The following CNTNAP1 variants were observed in gnomAD, a reference collection of about 807,000 sequenced individuals.
The protein encoded by CNTNAP1 is contactin associated protein 1.
A neutral mutation model predicts 161.5 loss-of-function variants in CNTNAP1; 80 were observed. The ratio of observed to expected loss-of-function variants is 0.50; its 90% CI spans 0.41 to 0.60. The LOEUF (loss-of-function observed/expected upper bound fraction) is 0.60, where lower values mean the gene tolerates loss of function less well. Ranked by LOEUF, CNTNAP1 falls within the 20% of genes least tolerant of loss-of-function variation. The probability of loss-of-function intolerance (pLI) is 0.00; values close to 1 mark genes in which losing one functional copy is unlikely to be tolerated. For missense variants in CNTNAP1, 1,464 were observed against 1,854.8 expected, an observed-to-expected ratio of 0.79 and a Z score of 3.87; for synonymous variants, 695 against 733.1, an observed-to-expected ratio of 0.95 and a Z score of 0.84.
In CNTNAP1 at chr17:42,699,321, T is replaced by C. The variant is rs1429519798; in HGVS notation, c.*411T>C. On this transcript the variant is annotated 3_prime_UTR_variant, in exon 24 of 24. Coordinates refer to ENST00000264638, the MANE Select transcript of CNTNAP1 (RefSeq NM_003632.3). ...TGTGGGAGTGCAGGGCTGCAGAGGG[T>C]ATGGGGGGAGGAGGCTGCTAAACCC... The C allele has an allele frequency of 1.3e-4, 20 of 158,446 alleles. No homozygotes were observed. Among genetic ancestry groups the C allele is most frequent in the Non-Finnish European group, 2.6e-4 (19 of 72,284 alleles). The allele number at this position is 158,446 out of a possible 1,614,324, so 9.8% of individuals were successfully genotyped here.
chr17:42,699,805 C>T lies in CNTNAP1; in HGVS notation c.*895C>T, dbSNP rs2053204290. 3 of 152,700 alleles carry T rather than the reference C, an allele frequency of 2.0e-5. No individual in the cohort carries two copies. Among genetic ancestry groups the T allele is most frequent in the South Asian group, 4.1e-4 (2 of 4,832 alleles). 9.5% of individuals were successfully genotyped at this position (152,700 alleles called of 1,614,324 possible). A position where few individuals can be genotyped will look rare whatever the true frequency, so the allele number is the denominator to read the frequency against. On this transcript the variant is annotated 3_prime_UTR_variant, in exon 24 of 24. Transcript: ENST00000264638. Reference sequence around the variant, plus strand: ...TATTTGTTTATATATAAAAGAAAAGCTCAATTGGCTGTGCTGTCCTGTGCT... The same window carrying T: ...TATTTGTTTATATATAAAAGAAAAGTTCAATTGGCTGTGCTGTCCTGTGCT...
At chr17:42,695,896 C>T in intron 19 of CNTNAP1, 22 bp downstream of exon 19, 2 of 1,602,924 alleles carry the variant, frequency 1.2e-6, no homozygotes. Context: ...CGGGCTCTCT[C>T]ACCCCACTCC....
In CNTNAP1 at chr17:42,697,617, C is replaced by G; in HGVS notation, c.3632C>G (p.Ser1211Cys). Reference protein sequence around the residue: ...YNTPGFSGCLSGVRFNNVAPL... With the variant: ...YNTPGFSGCLCGVRFNNVAPL... The stretch of plus-strand genomic sequence containing the variant: ...ACCCCAGGTTTCTCAGGCTGCCTGT[C>G]TGGTGTTCGATTCAACAACGTGGCT... Residue 1211 changes from serine to cysteine, a missense_variant, in exon 22 of 24, where the codon TCT becomes TGT. Ser to Cys is a moderately radical substitution (Grantham distance 112). This residue lies in a region of CNTNAP1 where 1,383 missense variants were observed against 1,765.0 expected (regional missense o/e 0.78). Transcript: ENST00000264638. 4 of 1,614,176 alleles carry G rather than the reference C, an allele frequency of 2.5e-6. No individual in the cohort carries two copies. Among genetic ancestry groups the G allele is most frequent in the Non-Finnish European group, 3.4e-6 (4 of 1,180,020 alleles).
Position 42,685,171 on chromosome 17 carries a change from G to A in CNTNAP1, c.511+33G>A. On this transcript the variant is annotated intron_variant, in intron 4 of 23. Transcript: ENST00000264638. The surrounding 1 kb of genome is among the most constrained non-coding windows in gnomAD (Gnocchi z 5.0). ...TGCAGAGAGCGCGGAGGGGGCCTGG[G>A]AGACAGCCTCCCCAGTTCCCGGCCC... is the stretch of plus-strand genomic sequence containing the variant. 1 of 1,609,828 alleles carries A rather than the reference G, an allele frequency of 6.2e-7. No individual in the cohort carries two copies.
rs1233871874 is a variant in CNTNAP1, at chr17:42,687,152, C to G, written c.1044+106C>G. ...AACATCAGATAAAAGCGGAGAATCC[C>G]TCTGTCCCCAGCCAGATGCTCAAGT... is the stretch of plus-strand genomic sequence containing the variant. On this transcript the variant is annotated intron_variant, in intron 7 of 23. Transcript: ENST00000264638. The surrounding 1 kb of genome is among the most constrained non-coding windows in gnomAD (Gnocchi z 4.7). 6.8e-7 allele frequency: 1 copy of G among 1,468,442 alleles called. No homozygotes were observed. Among genetic ancestry groups the G allele is most frequent in the Non-Finnish European group, 9.2e-7 (1 of 1,085,570 alleles). 91.0% of individuals were successfully genotyped at this position (1,468,442 alleles called of 1,614,324 possible). A position where few individuals can be genotyped will look rare whatever the true frequency, so the allele number is the denominator to read the frequency against.
At chr17:42,694,148 C>T (rs995307152) in intron 18 of CNTNAP1, among the ~76,000 whole-genome samples, 62 of 148,880 alleles carry the variant, frequency 4.2e-4, no homozygotes, top group Admixed American at 2.7e-3. Context: ...CGTGAGCCAC[C>T]GCGTCTGGCC....
intron 17 of CNTNAP1, among the ~76,000 whole-genome samples, 195 bp from the exon 18 acceptor site, chr17:42,693,102 G>A (rs964929098): frequency 6.6e-5 from 10 of 152,046 alleles, no homozygotes; most frequent in South Asian, 2.1e-4. Flanking sequence ...GACTACAGGC[G>A]CCCGCCACCG....
At position 42,685,125 on chromosome 17, in the gene CNTNAP1, T is replaced by C. The variant is rs768836175; in HGVS notation, c.498T>C (p.Tyr166=). ...RGKIGLRLGL[Y]GCPYKADILY... ...AGATCGGCCTGAGGCTCGGCCTCTA[T>C]GGCTGCCCATACAGTAAGTGTGCAG... is the stretch of plus-strand genomic sequence containing the variant. The change falls in exon 4 of 24, where the codon TAT becomes TAC. Residue 166 remains tyrosine (Y), a synonymous_variant. Coordinates refer to ENST00000264638, the MANE Select transcript of CNTNAP1 (RefSeq NM_003632.3). The surrounding 1 kb of genome is among the most constrained non-coding windows in gnomAD (Gnocchi z 5.0). 2 of 1,589,004 alleles carry C rather than the reference T, an allele frequency of 1.3e-6. No individual in the cohort carries two copies. The highest frequency in any genetic ancestry group is 4.5e-5 in the East Asian group (2 of 44,578).
intron 11 of CNTNAP1, 39 bp downstream of exon 11, chr17:42,689,666 G>C: frequency 6.6e-7 from 1 of 1,524,510 alleles, no homozygotes; most frequent in Non-Finnish European, 9.1e-7. Flanking sequence ...AGGGACAAGG[G>C]AGGTCAATAG....
chr17:42,689,857 C>T (rs984349188), intron 11 of CNTNAP1: 2 of 580,544 alleles, frequency 3.4e-6, no homozygotes, highest in East Asian at 3.1e-5. Flanking sequence ...TCTCCTGCCT[C>T]AGCCTCCTAA....
chr17:42,690,207 GGTAA>G lies in CNTNAP1; in HGVS notation c.1855+3_1855+6del. On this transcript the variant is annotated splice_donor_variant and splice_donor_region_variant and intron_variant, in intron 12 of 23. Coordinates refer to ENST00000264638, the MANE Select transcript of CNTNAP1 (RefSeq NM_003632.3). LOFTEE classifies it high-confidence loss of function. ...ATTTGTAGTGTACTGTGATATCCGAGGTAAGTGTCTCTGTTGGGTGGTGAGGGGG... is the reference window on the plus strand; with the variant it reads ...ATTTGTAGTGTACTGTGATATCCGAGGTGTCTCTGTTGGGTGGTGAGGGGG... 6.2e-7 allele frequency: 1 copy of G among 1,613,904 alleles called. No homozygotes were observed. Among genetic ancestry groups the G allele is most frequent in the Non-Finnish European group, 8.5e-7 (1 of 1,179,878 alleles).
At position 42,687,587 on chromosome 17, in the gene CNTNAP1, T is replaced by A; in HGVS notation, c.1045-133T>A. 2.5e-6 allele frequency: 3 copies of A among 1,203,016 alleles called. No homozygotes were observed. Among genetic ancestry groups the A allele is most frequent in the Non-Finnish European group, 3.5e-6 (3 of 847,152 alleles). The allele number at this position is 1,203,016 out of a possible 1,614,324, so 74.5% of individuals were successfully genotyped here. On this transcript the variant is annotated intron_variant, in intron 7 of 23. Coordinates refer to ENST00000264638, the MANE Select transcript of CNTNAP1 (RefSeq NM_003632.3). The surrounding 1 kb of genome is among the most constrained non-coding windows in gnomAD (Gnocchi z 4.7). ...GCTTGGAGGGGAAGAGGTCACGTCA[T>A]GGTTGGAGATCTCACCCCCGCCAAC...
chr17:42,686,117 C>T lies in CNTNAP1; in HGVS notation c.876C>T (p.Phe292=), dbSNP rs758709669. The T allele has an allele frequency of 1.2e-6, 2 of 1,614,056 alleles. No homozygotes were observed. The highest frequency in any genetic ancestry group is 1.3e-5 in the African/African-American group (1 of 74,918). The change falls in exon 6 of 24, where the codon TTC becomes TTT. Residue 292 remains phenylalanine, a synonymous_variant. Transcript: ENST00000264638. The stretch of plus-strand genomic sequence containing the variant: ...AGCGCTTTATTCTCAATGGAGACTT[C>T]GAGAGGCTGAACCTGGACACTGAGG... ...YVQRFILNGD[F]ERLNLDTEMF...
intron 6 of CNTNAP1, 48 bp downstream of exon 6, chr17:42,686,189 G>A: frequency 6.3e-7 from 1 of 1,582,600 alleles, no homozygotes; most frequent in Non-Finnish European, 8.7e-7. Flanking sequence ...GATGCTGGAT[G>A]AGTGAGTGCA....
intron 11 of CNTNAP1, 36 bp from the exon 12 acceptor site, chr17:42,690,052 C>T (rs200845863): frequency 6.2e-7 from 1 of 1,610,032 alleles, no homozygotes; most frequent in Non-Finnish European, 8.5e-7. Flanking sequence ...CCCTCTAACT[C>T]TCTAACTGCC....
intron 3 of CNTNAP1, 131 bp from the exon 4 acceptor site, chr17:42,684,860 G>T: frequency 9.7e-7 from 1 of 1,029,682 alleles, no homozygotes; most frequent in Non-Finnish European, 1.4e-6. Context: ...GGGAGGCAGA[G>T]GTTGCGGTGA....
At position 42,687,908 on chromosome 17, in the gene CNTNAP1, G is replaced by T; in HGVS notation, c.1233G>T (p.Glu411Asp). The change falls in exon 8 of 24, where the codon GAG becomes GAT. Residue 411 changes from glutamate to aspartate, a missense_variant. Coordinates refer to ENST00000264638, the MANE Select transcript of CNTNAP1 (RefSeq NM_003632.3). The surrounding 1 kb of genome is among the most constrained non-coding windows in gnomAD (Gnocchi z 4.7). ...SRLGDGLGHV[E>D]LTLSEGQVNV... ...TGGGGGACGGGCTGGGCCACGTGGAGCTGACGCTCAGCGAAGGGCAGGTCA... is the reference window on the plus strand; with the variant it reads ...TGGGGGACGGGCTGGGCCACGTGGATCTGACGCTCAGCGAAGGGCAGGTCA... 1 of 1,614,252 alleles carries T rather than the reference G, an allele frequency of 6.2e-7. No homozygotes were observed. Among genetic ancestry groups the T allele is most frequent in the Non-Finnish European group, 8.5e-7 (1 of 1,180,052 alleles).
intron 10 of CNTNAP1, 139 bp from the exon 11 acceptor site, chr17:42,689,382 T>C (rs1454305805): frequency 9.0e-6 from 6 of 663,110 alleles, no homozygotes; most frequent in African/African-American, 1.8e-5. Context: ...GCATCTGCGC[T>C]TATACCCGGC....
intron 23 of CNTNAP1, 57 bp from the exon 24 acceptor site, chr17:42,698,561 G>A: frequency 2.2e-6 from 3 of 1,344,728 alleles, no homozygotes; most frequent in African/African-American, 1.4e-5. Flanking sequence ...GTGTGTGTGT[G>A]TGTGTGTATA....
Sources: gnomAD v4.1 joint callset for allele counts (sites outside exome capture counted in the v4.1 genomes callset) on GRCh38, gnomAD v4.1.1 for gene constraint, gnomAD v4.1.1 regional missense constraint, Gnocchi (gnomAD v3.1) non-coding constraint, MANE v1.5 for transcripts, NCBI Gene and HGNC (gene_info 2026-07-23, HGNC 2026-07-21) for gene names.